Variants in CDC27 observed in about 807,000 individuals in gnomAD.
CDC27 encodes the protein cell division cycle 27, also known as cell division cycle protein 27 homolog.
In CDC27, 27 loss-of-function variants were observed where a neutral mutation model predicts 109.7. That is an observed-to-expected ratio of 0.25 (90% CI 0.18 to 0.34). The LOEUF is 0.34. Ranked by LOEUF, CDC27 falls within the 10% of genes least tolerant of loss-of-function variation. The probability of loss-of-function intolerance (pLI) is 1.00; values close to 1 mark genes in which losing one functional copy is unlikely to be tolerated. For synonymous variants in CDC27, 266 were observed against 333.9 expected, an observed-to-expected ratio of 0.80 and a Z score of 2.22; for missense variants, 579 against 960.2, an observed-to-expected ratio of 0.60 and a Z score of 5.25.
At chr17:47,156,614 A>ATTTT (rs199867550) in intron 7 of CDC27, 3 of 177,404 alleles carry the variant, frequency 1.7e-5, no homozygotes, top group Non-Finnish European at 3.5e-5. Flanking sequence ...TGCCCAGCTA[A>ATTTT]TTTTTGTATT....
chr17:47,169,836 C>G, intron 4 of CDC27, 81 bp downstream of exon 4: 1 of 1,200,476 alleles, frequency 8.3e-7, no homozygotes, highest in Non-Finnish European at 1.1e-6. Context: ...TTGATAAACA[C>G]TGATCAACAT....
chr17:47,165,427 G>A (rs765575181), intron 4 of CDC27, among the ~76,000 whole-genome samples: 3 of 152,268 alleles, frequency 2.0e-5, no homozygotes, highest in East Asian at 3.9e-4. Context: ...AATGGCTAAC[G>A]ATTTAGAACA....
intron 8 of CDC27, among the ~76,000 whole-genome samples, chr17:47,152,274 A>G (rs2063174524): frequency 6.6e-6 from 1 of 152,172 alleles, no homozygotes; most frequent in Non-Finnish European, 1.5e-5. Context: ...ATTTTAAGAC[A>G]GCTAAATTCT....
chr17:47,132,774 ATT>A (rs2062390238), intron 14 of CDC27, among the ~76,000 whole-genome samples: 1 of 127,944 alleles, frequency 7.8e-6, no homozygotes, highest in Non-Finnish European at 1.6e-5. Context: ...TATTATTATT[ATT>A]ATTATATTTT....
intron 7 of CDC27, 73 bp downstream of exon 7, chr17:47,156,840 A>G: frequency 1.9e-6 from 1 of 518,254 alleles, no homozygotes; most frequent in Non-Finnish European, 3.5e-6. Context: ...AATAATCTGC[A>G]TTACTAACAA....
chr17:47,155,802 A>G (rs2063286259), intron 7 of CDC27, among the ~76,000 whole-genome samples: 1 of 152,094 alleles, frequency 6.6e-6, no homozygotes, highest in Admixed American at 6.6e-5. Context: ...ACACTTAAAA[A>G]ATTAGCCAGG....
intron 3 of CDC27, 92 bp downstream of exon 3, chr17:47,171,821 GAAGA>G (rs1369128690): frequency 4.0e-6 from 3 of 759,158 alleles, no homozygotes; most frequent in Admixed American, 3.0e-5. Context: ...GGAAAACAGG[GAAGA>G]AAGGGAATCA....
At chr17:47,143,196 T>G (rs1445190951) in intron 10 of CDC27, among the ~76,000 whole-genome samples, 1 of 151,848 alleles carries the variant, frequency 6.6e-6, no homozygotes. Context: ...ACTCCTAAGC[T>G]CAAGTGATCG....
In CDC27 at chr17:47,120,855, T is replaced by TAAAG; in HGVS notation, c.*76_*79dup. 1.0e-6 allele frequency: 1 copy of TAAAG among 996,764 alleles called. No homozygotes were observed. The highest frequency in any genetic ancestry group is 1.6e-6 in the Non-Finnish European group (1 of 637,302). 61.7% of individuals were successfully genotyped at this position (996,764 alleles called of 1,614,324 possible). A position where few individuals can be genotyped will look rare whatever the true frequency, so the allele number is the denominator to read the frequency against. ...GACGATGACACCGCCAGCTCAAGAG[T>TAAAG]AAAGACTCAGTATACAGAGGGACAA... On this transcript the variant is annotated 3_prime_UTR_variant, in exon 19 of 19. Transcript: ENST00000066544.
intron 9 of CDC27, among the ~76,000 whole-genome samples, chr17:47,147,534 T>C (rs1484760241): frequency 1.3e-5 from 2 of 151,108 alleles, no homozygotes; most frequent in South Asian, 2.1e-4. Flanking sequence ...ACAGACTTAG[T>C]AGGCAAAAAC....
intron 7 of CDC27, among the ~76,000 whole-genome samples, chr17:47,156,284 G>A (rs533022716): frequency 4.6e-5 from 7 of 151,756 alleles, no homozygotes; most frequent in African/African-American, 9.7e-5. Flanking sequence ...ATCTACAGGC[G>A]CGTGCCACCA....
Position 47,158,309 on chromosome 17 carries a change from G to T in CDC27, c.378-6C>A. 1 of 1,480,864 alleles carries T rather than the reference G, an allele frequency of 6.8e-7. No individual in the cohort carries two copies. Among genetic ancestry groups the T allele is most frequent in the Non-Finnish European group, 9.1e-7 (1 of 1,101,736 alleles). 91.7% of individuals were successfully genotyped at this position (1,480,864 alleles called of 1,614,324 possible). A position where few individuals can be genotyped will look rare whatever the true frequency, so the allele number is the denominator to read the frequency against. On this transcript the variant is annotated splice_polypyrimidine_tract_variant and splice_region_variant and intron_variant, in intron 4 of 18. Coordinates refer to ENST00000066544, the MANE Select transcript of CDC27 (RefSeq NM_001256.6). ...TGGCAAGCCGATCTGTCTTGCTGTG[G>T]AGAGAAACAAGTAGATTAAATAAGC...
At chr17:47,154,961 T>A in intron 7 of CDC27, 175 bp from the exon 8 acceptor site, 1 of 412,874 alleles carries the variant, frequency 2.4e-6, no homozygotes, top group Non-Finnish European at 4.3e-6. Context: ...CCACCCACCA[T>A]AACTAAAATT....
intron 4 of CDC27, among the ~76,000 whole-genome samples, chr17:47,164,668 T>A (rs1340079588): frequency 6.6e-6 from 1 of 152,020 alleles, no homozygotes; most frequent in Non-Finnish European, 1.5e-5. Context: ...AATACAAAAA[T>A]TAGCTGGGCA....
intron 14 of CDC27, among the ~76,000 whole-genome samples, chr17:47,136,559 T>C (rs912906376): frequency 2.0e-5 from 3 of 152,134 alleles, no homozygotes; most frequent in Non-Finnish European, 2.9e-5. Context: ...GAGGCAGAAA[T>C]AGGACCAAAC....
intron 2 of CDC27, 114 bp from the exon 3 acceptor site, chr17:47,172,178 C>A: frequency 1.7e-6 from 1 of 596,124 alleles, no homozygotes; most frequent in Non-Finnish European, 2.7e-6. Flanking sequence ...TATTTTAACA[C>A]AAAACAATCA....
intron 2 of CDC27, among the ~76,000 whole-genome samples, chr17:47,179,281 T>C (rs908509234): frequency 6.6e-6 from 1 of 152,230 alleles, no homozygotes; most frequent in African/African-American, 2.4e-5. Flanking sequence ...ACTAGTGACA[T>C]AGGAGGCCCC....
rs562078492 is a variant in CDC27, at chr17:47,155,147, A to G, written c.843-361T>C. ...TACAGAGAAAATGTCTCTAGAGACC[A>G]TTAGATAACTATAACTCTCCAGAGT... is the stretch of plus-strand genomic sequence containing the variant. On this transcript the variant is annotated intron_variant, in intron 7 of 18. Transcript: ENST00000066544. Among the ~76,000 whole-genome samples the G allele has an allele frequency of 1.5e-4, 23 of 152,356 alleles. 1 individual carries two copies. In the South Asian group the frequency reaches 4.8e-3, roughly 32 times the overall value.
chr17:47,139,912 T>G (rs537028846), intron 12 of CDC27: 12 of 152,090 alleles, frequency 7.9e-5, no homozygotes, highest in African/African-American at 2.9e-4. Context: ...TTAGGTTATA[T>G]AAAATCAGTT....
Sources: allele counts gnomAD v4.1 joint callset (sites outside exome capture counted in the v4.1 genomes callset), GRCh38; gene constraint gnomAD v4.1.1; transcripts MANE v1.5; gene names NCBI Gene and HGNC (gene_info 2026-07-23, HGNC 2026-07-21).